UNC5D: variants seen among roughly 807,000 people sequenced by gnomAD.
UNC5D encodes netrin receptor UNC5D.
In UNC5D, 39 loss-of-function variants were observed where a neutral mutation model predicts 105.4. The observed-to-expected ratio is 0.37, with a 90% confidence interval of 0.29 to 0.48. The LOEUF is 0.48. Ranked by LOEUF, UNC5D falls within the 20% of genes least tolerant of loss-of-function variation. UNC5D has a pLI of 0.98. For synonymous variants in UNC5D, 452 were observed against 450.4 expected (o/e 1.00, Z -0.04); for missense variants, 991 against 1,202.4 (o/e 0.82, Z 2.60).
At chr8:35,735,600 G>A (rs1342274335) in intron 11 of UNC5D, among the ~76,000 whole-genome samples, 1 of 152,154 alleles carries the variant, frequency 6.6e-6, no homozygotes, top group Non-Finnish European at 1.5e-5. Flanking sequence ...TGCTTAGATG[G>A]TACCATGGCT....
chr8:35,700,909 C>T (rs1429747411), intron 7 of UNC5D, among the ~76,000 whole-genome samples: 1 of 152,114 alleles, frequency 6.6e-6, no homozygotes, highest in Admixed American at 6.6e-5. Context: ...ATACAAAAGG[C>T]AGACTATTCT....
At chr8:35,420,166 C>A (rs761502944) in intron 1 of UNC5D, among the ~76,000 whole-genome samples, 2 of 152,064 alleles carry the variant, frequency 1.3e-5, no homozygotes, top group Non-Finnish European at 2.9e-5. Flanking sequence ...ATTTGTCTAT[C>A]ATATTGAAGA....
chr8:35,618,216 T>C (rs961385249), intron 4 of UNC5D, among the ~76,000 whole-genome samples: 1 of 152,160 alleles, frequency 6.6e-6, no homozygotes, highest in South Asian at 2.1e-4. Context: ...GCTTAGGCGA[T>C]CAGTTTAATC....
Position 35,726,311 on chromosome 8 carries a change from C to G in UNC5D, c.1463C>G (p.Ser488Trp). 1 of 1,614,050 alleles carries G rather than the reference C, an allele frequency of 6.2e-7. No individual in the cohort carries two copies. The highest frequency in any genetic ancestry group is 8.5e-7 in the Non-Finnish European group (1 of 1,179,988). ...LSDIKVKVQS[S>W]FMVSLGVSER... ...GACATCAAAGTGAAAGTCCAGAGCT[C>G]GTTCATGGTTTCCCTGGGAGTGTCT... The change falls in exon 10 of 17, where the codon TCG (serine) becomes TGG (tryptophan). Residue 488 changes from serine to tryptophan, a missense_variant. This residue lies in a region of UNC5D where 944 missense variants were observed against 1,131.6 expected (regional missense o/e 0.83). Coordinates refer to ENST00000404895, the MANE Select transcript of UNC5D (RefSeq NM_080872.4).
rs1407182818 is a variant in UNC5D at position 35,303,586 on chromosome 8, C to A, written c.103+67699C>A. Among the ~76,000 whole-genome samples, 3 of 152,260 alleles carry A rather than the reference C, an allele frequency of 2.0e-5. No individual in the cohort carries two copies. In the East Asian group the frequency reaches 5.8e-4, roughly 29 times the overall value. ...ATCTCTAACTTCTGGTATAAAAATT[C>A]TGTTGCATAGCAGAAGTTGTGTAGT... On this transcript the variant is annotated intron_variant, in intron 1 of 16. Transcript: ENST00000404895.
intron 1 of UNC5D, among the ~76,000 whole-genome samples, chr8:35,271,251 G>A (rs1404347238): frequency 6.9e-6 from 1 of 145,200 alleles, no homozygotes; most frequent in Non-Finnish European, 1.5e-5. Context: ...ATACCTATAT[G>A]TATAGGTATA....
At chr8:35,471,770 G>A (rs1246666984) in intron 1 of UNC5D, among the ~76,000 whole-genome samples, 1 of 152,138 alleles carries the variant, frequency 6.6e-6, no homozygotes, top group Non-Finnish European at 1.5e-5. Context: ...AACGCATACT[G>A]GTAAAGACAT....
chr8:35,310,274 T>C (rs1049953311), intron 1 of UNC5D, among the ~76,000 whole-genome samples: 3 of 152,134 alleles, frequency 2.0e-5, no homozygotes, highest in African/African-American at 2.4e-5. Flanking sequence ...ATACAAGGGA[T>C]AGGGAGTAAG....
intron 4 of UNC5D, among the ~76,000 whole-genome samples, chr8:35,615,527 A>T (rs946995924): frequency 6.6e-6 from 1 of 152,054 alleles, no homozygotes; most frequent in African/African-American, 2.4e-5. Flanking sequence ...TTTGAGACAG[A>T]GTCTTGCTCT....
At chr8:35,701,558 A>G (rs1211448050) in intron 7 of UNC5D, among the ~76,000 whole-genome samples, 6 of 152,290 alleles carry the variant, frequency 3.9e-5, no homozygotes, top group Non-Finnish European at 7.3e-5. Context: ...GGAAGCAAGA[A>G]ATTAAAGGTG....
At chr8:35,541,579 G>T (rs1012850223) in intron 1 of UNC5D, among the ~76,000 whole-genome samples, 6 of 152,108 alleles carry the variant, frequency 3.9e-5, no homozygotes, top group African/African-American at 1.4e-4. Context: ...TGCCCAGTTG[G>T]TCAGCACATT....
At chr8:35,271,930 A>T (rs987206469) in intron 1 of UNC5D, among the ~76,000 whole-genome samples, 1 of 151,958 alleles carries the variant, frequency 6.6e-6, no homozygotes, top group Non-Finnish European at 1.5e-5. Context: ...AGAAGCCTTC[A>T]TGTCACCGCT....
Position 35,544,406 on chromosome 8 carries a change from A to G in UNC5D, c.104-4886A>G. ...TATCAGTAGCGTTAAATAAGTAGGGATTGTTTAAAAAAAAAAGCTGTAATA... is the reference window on the plus strand; with the variant it reads ...TATCAGTAGCGTTAAATAAGTAGGGGTTGTTTAAAAAAAAAAGCTGTAATA... On this transcript the variant is annotated intron_variant, in intron 1 of 16. Transcript: ENST00000404895. 1.9e-6 allele frequency: 3 copies of G among 1,607,480 alleles called. No homozygotes were observed. In the South Asian group the frequency reaches 3.4e-5, roughly 18 times the overall value.
chr8:35,734,665 A>G (rs1234009580), intron 11 of UNC5D, among the ~76,000 whole-genome samples: 2 of 151,890 alleles, frequency 1.3e-5, no homozygotes, highest in Non-Finnish European at 2.9e-5. Context: ...CCACCTCGGC[A>G]TCCCCAAGTG....
At chr8:35,379,460 A>G (rs761120700) in intron 1 of UNC5D, among the ~76,000 whole-genome samples, 23 of 152,164 alleles carry the variant, frequency 1.5e-4, no homozygotes, top group Non-Finnish European at 2.9e-4. Context: ...ACCGAGCCAC[A>G]TGATTCTACC....
At chr8:35,585,526 ATGTGTGTGTG>A (rs10570182) in intron 3 of UNC5D, among the ~76,000 whole-genome samples, 4 of 148,844 alleles carry the variant, frequency 2.7e-5, no homozygotes, top group South Asian at 2.1e-4. Flanking sequence ...CAACCATAAT[ATGTGTGTGTG>A]TGTGTGTGTG....
intron 1 of UNC5D, among the ~76,000 whole-genome samples, chr8:35,461,744 A>G (rs1808911379): frequency 6.6e-6 from 1 of 152,218 alleles, no homozygotes; most frequent in Non-Finnish European, 1.5e-5. Flanking sequence ...AGGACAGGGC[A>G]GGTGACAGTA....
At chr8:35,723,606 A>G (rs1484640466) in intron 9 of UNC5D, among the ~76,000 whole-genome samples, 7 of 151,742 alleles carry the variant, frequency 4.6e-5, no homozygotes, top group Admixed American at 6.6e-5. Context: ...GGGTCTCACT[A>G]TGTTGCTCAG....
chr8:35,737,776 A>C (rs1404572554), intron 11 of UNC5D, among the ~76,000 whole-genome samples: 2 of 152,180 alleles, frequency 1.3e-5, no homozygotes, highest in African/African-American at 4.8e-5. Context: ...TTAGTCAGGA[A>C]AATAATGCAG....
Sources: gnomAD v4.1 joint callset for allele counts (sites outside exome capture counted in the v4.1 genomes callset) on GRCh38, gnomAD v4.1.1 for gene constraint, gnomAD v4.1.1 regional missense constraint, MANE v1.5 for transcripts, NCBI Gene and HGNC (gene_info 2026-07-23, HGNC 2026-07-21) for gene names.